STK39: variants seen among roughly 807,000 people sequenced by gnomAD.
The protein encoded by STK39 is serine/threonine kinase 39.
In STK39, 20 loss-of-function variants were observed where a neutral mutation model predicts 77.8. The observed-to-expected ratio is 0.26, with a 90% CI of 0.18 to 0.37. The LOEUF is 0.37. Ranked by LOEUF, STK39 falls within the 10% of genes least tolerant of loss-of-function variation. The pLI, the probability that STK39 is intolerant of heterozygous loss-of-function variation, is 1.00. For synonymous variants in STK39, 246 were observed against 234.1 expected (o/e 1.05, Z -0.47); for missense variants, 479 against 656.5 (o/e 0.73, Z 2.95).
At chr2:167,963,220 G>A (rs1032135424) in intron 17 of STK39, among the ~76,000 whole-genome samples, 2 of 152,076 alleles carry the variant, frequency 1.3e-5, no homozygotes, top group African/African-American at 4.8e-5. Context: ...GAGAATTTAA[G>A]AAACATATAA....
intron 1 of STK39, among the ~76,000 whole-genome samples, chr2:168,198,742 G>A (rs375652269): frequency 6.6e-5 from 10 of 152,304 alleles, no homozygotes; most frequent in Admixed American, 2.6e-4. Context: ...GCGTTCACTA[G>A]GTGGCTAAGT....
intron 14 of STK39, among the ~76,000 whole-genome samples, chr2:168,046,000 C>G (rs746086378): frequency 2.6e-5 from 4 of 152,252 alleles, no homozygotes; most frequent in South Asian, 2.1e-4. Flanking sequence ...GCATCTCATT[C>G]CCCAGATCAA....
chr2:168,182,230 T>A (rs1381693238), intron 1 of STK39, 140 bp from the exon 2 acceptor site: 35 of 619,324 alleles, frequency 5.7e-5, no homozygotes, highest in Middle Eastern at 2.6e-4. Context: ...ATCTTTTTTT[T>A]AAAGAGTTTC....
intron 10 of STK39, among the ~76,000 whole-genome samples, chr2:168,075,934 T>C (rs1002044385): frequency 1.3e-5 from 2 of 152,342 alleles, no homozygotes; most frequent in Admixed American, 6.5e-5. Context: ...TTATTTCAAA[T>C]TGTTTTGAGC....
intron 7 of STK39, among the ~76,000 whole-genome samples, chr2:168,138,442 C>T (rs1249662658): frequency 6.6e-6 from 1 of 152,200 alleles, no homozygotes; most frequent in Non-Finnish European, 1.5e-5. Flanking sequence ...ACAGAACTTA[C>T]AAAACTTGCT....
intron 1 of STK39, among the ~76,000 whole-genome samples, chr2:168,207,548 A>T (rs776128229): frequency 2.6e-5 from 4 of 152,232 alleles, no homozygotes; most frequent in Non-Finnish European, 5.9e-5. Context: ...ATTCACACAC[A>T]AAGAATACGA....
chr2:168,151,910 A>C (rs1371381319), intron 5 of STK39, among the ~76,000 whole-genome samples: 1 of 152,218 alleles, frequency 6.6e-6, no homozygotes, highest in Non-Finnish European at 1.5e-5. Flanking sequence ...CAGTTGACTG[A>C]TACAGTCAAT....
chr2:167,975,658 CA>C (rs1189519761), intron 16 of STK39, among the ~76,000 whole-genome samples: 2 of 152,140 alleles, frequency 1.3e-5, no homozygotes, highest in Admixed American at 6.6e-5. Flanking sequence ...TACTAAAACA[CA>C]AAAAATCAGC....
chr2:168,082,422 G>A (rs1279887385), intron 10 of STK39, among the ~76,000 whole-genome samples: 2 of 152,074 alleles, frequency 1.3e-5, no homozygotes, highest in Non-Finnish European at 1.5e-5. Flanking sequence ...TCCCTACTAG[G>A]CCACCAATGC....
chr2:168,037,380 T>C (rs149778868), intron 14 of STK39, among the ~76,000 whole-genome samples: 72 of 152,286 alleles, frequency 4.7e-4, no homozygotes, highest in African/African-American at 1.6e-3. Context: ...TTTGAGAGAG[T>C]TGTTTGGCAA....
intron 10 of STK39, among the ~76,000 whole-genome samples, chr2:168,102,429 G>A (rs968231947): frequency 2.6e-5 from 4 of 152,040 alleles, no homozygotes; most frequent in Non-Finnish European, 5.9e-5. Flanking sequence ...AAACCAATCC[G>A]TATTCCTGTT....
chr2:168,105,667 T>C (rs914176946), intron 10 of STK39, among the ~76,000 whole-genome samples: 2 of 152,230 alleles, frequency 1.3e-5, no homozygotes, highest in Non-Finnish European at 2.9e-5. Flanking sequence ...CCATAGGAAA[T>C]ACCAATTGTG....
At chr2:168,026,741 A>G (rs1684708816) in intron 14 of STK39, among the ~76,000 whole-genome samples, 1 of 152,226 alleles carries the variant, frequency 6.6e-6, no homozygotes, top group African/African-American at 2.4e-5. Context: ...TAGACGGGAA[A>G]GTGTCTTCCA....
intron 10 of STK39, among the ~76,000 whole-genome samples, chr2:168,078,756 A>C (rs1237194407): frequency 4.6e-5 from 7 of 151,124 alleles, no homozygotes; most frequent in African/African-American, 1.7e-4. Flanking sequence ...AAAAAAAAAA[A>C]AAAGGAAAGC....
At chr2:168,117,900 T>C in intron 10 of STK39, among the ~76,000 whole-genome samples, 1 of 152,000 alleles carries the variant, frequency 6.6e-6, no homozygotes, top group Non-Finnish European at 1.5e-5. Context: ...GCCATTGAGT[T>C]TTCAATCAGG....
At chr2:168,004,576 C>CA (rs910195642) in intron 16 of STK39, among the ~76,000 whole-genome samples, 3 of 151,298 alleles carry the variant, frequency 2.0e-5, no homozygotes, top group African/African-American at 7.3e-5. Context: ...ACTAAAAATA[C>CA]AAAAAAATTA....
At chr2:168,173,689 C>A (rs923836583) in intron 2 of STK39, among the ~76,000 whole-genome samples, 14 of 152,134 alleles carry the variant, frequency 9.2e-5, no homozygotes, top group African/African-American at 3.4e-4. Flanking sequence ...TCCTGAGTAG[C>A]TGGAATTACA....
chr2:168,206,147 C>T (rs1303288587), intron 1 of STK39, among the ~76,000 whole-genome samples: 1 of 152,196 alleles, frequency 6.6e-6, no homozygotes, highest in Non-Finnish European at 1.5e-5. Context: ...CTCATGAGGG[C>T]CTCCTTTTGC....
At chr2:168,016,924 C>T in intron 15 of STK39, 119 bp downstream of exon 15, 2 of 706,666 alleles carry the variant, frequency 2.8e-6, no homozygotes, top group South Asian at 2.6e-5. Flanking sequence ...TCTATCTCTC[C>T]TTCCTTCCTT....
Sources: gnomAD v4.1 joint callset for allele counts (sites outside exome capture counted in the v4.1 genomes callset) on GRCh38, gnomAD v4.1.1 for gene constraint, MANE v1.5 for transcripts, NCBI Gene and HGNC (gene_info 2026-07-23, HGNC 2026-07-21) for gene names.